The following GABPB1 variants were observed in gnomAD, a reference collection of about 807,000 sequenced individuals.
GABPB1 encodes GA binding protein transcription factor subunit beta 1.
In GABPB1, 15 loss-of-function variants were observed where a neutral mutation model predicts 45.9. That is an observed-to-expected ratio of 0.33 (90% confidence interval 0.22 to 0.50). The LOEUF (loss-of-function observed/expected upper bound fraction) is 0.50. Ranked by LOEUF, GABPB1 falls within the 20% of genes least tolerant of loss-of-function variation. GABPB1 has a pLI of 0.98. For missense variants in GABPB1, 252 were observed against 457.5 expected, an observed-to-expected ratio of 0.55 and a Z score of 4.10; for synonymous variants, 143 against 154.4, an observed-to-expected ratio of 0.93 and a Z score of 0.55.
Position 50,304,052 on chromosome 15 carries a change from T to C in GABPB1, c.190A>G (p.Arg64Gly). 6.2e-7 allele frequency: 1 copy of C among 1,613,760 alleles called. No homozygotes were observed. Among genetic ancestry groups the C allele is most frequent in the Non-Finnish European group, 8.5e-7 (1 of 1,179,846 alleles). ...TEVLLRAGVSRDARTKVDRTP... is the reference protein window; with the variant it reads ...TEVLLRAGVSGDARTKVDRTP... The stretch of plus-strand genomic sequence containing the variant: ...CGGTCCACTTTGGTTCTGGCATCTC[T>C]GCTCACACCAGCTCGCAGCAGTACC... Residue 64 changes from arginine to glycine, a missense_variant, in exon 3 of 9, where the codon AGA becomes GGA. Arg to Gly is a moderately radical substitution (Grantham distance 125). This residue lies in a region of GABPB1 where 35 missense variants were observed against 143.7 expected (regional missense o/e 0.24). Transcript: ENST00000380877.
At chr15:50,334,449 C>T (rs1282547826) in intron 1 of GABPB1, among the ~76,000 whole-genome samples, 1 of 150,994 alleles carries the variant, frequency 6.6e-6, no homozygotes, top group African/African-American at 2.4e-5. Flanking sequence ...GTCCAATCTG[C>T]TGCAAATTGC....
intron 2 of GABPB1, among the ~76,000 whole-genome samples, chr15:50,308,694 C>G (rs1034901347): frequency 1.3e-5 from 2 of 152,172 alleles, no homozygotes; most frequent in Admixed American, 6.5e-5. Flanking sequence ...GGTAAAATTT[C>G]TCTGGGTTCT....
At chr15:50,314,614 A>G (rs1416153281) in intron 1 of GABPB1, 1 of 152,254 alleles carries the variant, frequency 6.6e-6, no homozygotes, top group Admixed American at 6.5e-5. Context: ...ATGCTCTGCT[A>G]GCATTTAATG....
chr15:50,345,879 T>C (rs1305586681), intron 1 of GABPB1, among the ~76,000 whole-genome samples: 1 of 151,828 alleles, frequency 6.6e-6, no homozygotes, highest in Non-Finnish European at 1.5e-5. Context: ...GCCCAGCTAA[T>C]TTTTTTTATT....
intron 1 of GABPB1, among the ~76,000 whole-genome samples, chr15:50,330,655 T>C (rs967528426): frequency 1.3e-5 from 2 of 152,220 alleles, no homozygotes; most frequent in African/African-American, 2.4e-5. Flanking sequence ...GTTACATCCT[T>C]TCTCTCCAAA....
At chr15:50,309,563 A>C (rs2047059299) in intron 2 of GABPB1, 128 bp downstream of exon 2, 1 of 622,502 alleles carries the variant, frequency 1.6e-6, no homozygotes, top group East Asian at 2.6e-5. Flanking sequence ...TAATTCTAAA[A>C]TAATAAACAC....
intron 1 of GABPB1, among the ~76,000 whole-genome samples, chr15:50,336,536 AGCCAG>A (rs1159360554): frequency 6.6e-6 from 1 of 151,566 alleles, no homozygotes; most frequent in East Asian, 2.0e-4. Context: ...TTTTTTAATT[AGCCAG>A]GCATGGTGGC....
intron 1 of GABPB1, chr15:50,353,286 T>C (rs1056512230): frequency 6.6e-6 from 1 of 152,190 alleles, no homozygotes; most frequent in Non-Finnish European, 1.5e-5. Context: ...AAAAAAAGTA[T>C]GGGAATCAAT....
chr15:50,297,152 C>T (rs1420293117), intron 6 of GABPB1, among the ~76,000 whole-genome samples: 1 of 151,486 alleles, frequency 6.6e-6, no homozygotes, highest in African/African-American at 2.4e-5. Context: ...CCCAAATGAT[C>T]CACCCACCTC....
chr15:50,341,878 C>T (rs1343498379), intron 1 of GABPB1, among the ~76,000 whole-genome samples: 2 of 151,798 alleles, frequency 1.3e-5, no homozygotes, highest in African/African-American at 4.8e-5. Context: ...TCTGACTATA[C>T]AGTATTTTCC....
chr15:50,342,286 C>G (rs71394992), intron 1 of GABPB1, among the ~76,000 whole-genome samples: 271 of 152,086 alleles, frequency 1.8e-3, no homozygotes, highest in Non-Finnish European at 3.3e-3. Flanking sequence ...AAGCTTTCCT[C>G]TCCCATAAGC....
At chr15:50,329,647 G>C (rs1393608826) in intron 1 of GABPB1, among the ~76,000 whole-genome samples, 1 of 152,006 alleles carries the variant, frequency 6.6e-6, no homozygotes, top group Non-Finnish European at 1.5e-5. Flanking sequence ...CATTGTTCAA[G>C]TTTGTCTTCA....
Position 50,276,397 on chromosome 15 carries a change from A to G in GABPB1, c.*2235T>C, listed in dbSNP as rs551546069. On this transcript the variant is annotated 3_prime_UTR_variant, in exon 9 of 9. Coordinates refer to ENST00000380877, the MANE Select transcript of GABPB1 (RefSeq NM_016654.5). ...ATTCTTGTCTAAGTAGTGATTTTAC[A>G]GAACAGTAAATCAGATGTAAATGAT... 3 of 152,352 alleles carry G rather than the reference A, an allele frequency of 2.0e-5. No homozygotes were observed. The South Asian group carries it at 6.2e-4, about 32-fold the overall frequency. The allele number at this position is 152,352 out of a possible 1,614,324, so 9.4% of individuals were successfully genotyped here. A position where few individuals can be genotyped will look rare whatever the true frequency, so the allele number is the denominator to read the frequency against.
chr15:50,334,054 AAAAAG>A (rs1039979447), intron 1 of GABPB1, among the ~76,000 whole-genome samples: 10 of 151,982 alleles, frequency 6.6e-5, no homozygotes, highest in Admixed American at 3.9e-4. Flanking sequence ...AGAAAAAGAA[AAAAAG>A]AAAAGAAAAG....
chr15:50,337,543 C>T (rs1382380684), intron 1 of GABPB1, among the ~76,000 whole-genome samples: 1 of 151,992 alleles, frequency 6.6e-6, no homozygotes, highest in African/African-American at 2.4e-5. Flanking sequence ...GCAAGCAGAT[C>T]ACTTGAGCTC....
intron 1 of GABPB1, among the ~76,000 whole-genome samples, chr15:50,346,606 T>G (rs1160541133): frequency 2.0e-5 from 3 of 149,822 alleles, no homozygotes; most frequent in African/African-American, 7.4e-5. Flanking sequence ...TTTTTTTTTT[T>G]GTAGAGATGG....
Position 50,309,809 on chromosome 15 carries a change from C to T in GABPB1, c.1-11G>A, listed in dbSNP as rs1339490666. 1 of 1,480,274 alleles carries T rather than the reference C, an allele frequency of 6.8e-7. No homozygotes were observed. The highest frequency in any genetic ancestry group is 1.4e-5 in the African/African-American group (1 of 72,288). The allele number at this position is 1,480,274 out of a possible 1,614,324, so 91.7% of individuals were successfully genotyped here. A position where few individuals can be genotyped will look rare whatever the true frequency, so the allele number is the denominator to read the frequency against. On this transcript the variant is annotated splice_polypyrimidine_tract_variant and intron_variant, in intron 1 of 8. Coordinates refer to ENST00000380877, the MANE Select transcript of GABPB1 (RefSeq NM_016654.5). ...ATCTACCAGGGACATCTAAACAAAA[C>T]ATAGATGAACTGAACATCAAAATCT...
Position 50,286,083 on chromosome 15 carries a change from T to G in GABPB1, c.984A>C (p.Glu328Asp). 6.2e-7 allele frequency: 1 copy of G among 1,612,670 alleles called. No individual in the cohort carries two copies. The highest frequency in any genetic ancestry group is 8.5e-7 in the Non-Finnish European group (1 of 1,179,262). ...QCIEIIENRVESAEIEEREAL... is the reference protein window; with the variant it reads ...QCIEIIENRVDSAEIEEREAL... ...GACTCCTTACTTCTATTTCTGCAGA[T>G]TCCACCCGGTTTTCAATTATTTCGA... Residue 328 changes from glutamate to aspartate, a missense_variant, in exon 8 of 9, where the codon GAA becomes GAC. Glu to Asp is a conservative substitution (Grantham distance 45). Around this residue, in one of 4 missense-constraint regions of GABPB1, gnomAD observed 193 missense variants for 259.9 expected, o/e 0.74. Coordinates refer to ENST00000380877, the MANE Select transcript of GABPB1 (RefSeq NM_016654.5).
intron 8 of GABPB1, among the ~76,000 whole-genome samples, chr15:50,284,257 T>A (rs1000616877): frequency 1.3e-5 from 2 of 152,214 alleles, no homozygotes; most frequent in African/African-American, 4.8e-5. Flanking sequence ...TCATTCTATA[T>A]CTCCAGCCTA....
Sources: gnomAD v4.1 joint callset for allele counts (sites outside exome capture counted in the v4.1 genomes callset) on GRCh38, gnomAD v4.1.1 for gene constraint, gnomAD v4.1.1 regional missense constraint, MANE v1.5 for transcripts, NCBI Gene and HGNC (gene_info 2026-07-23, HGNC 2026-07-21) for gene names.